Variants in NME9 observed in about 807,000 individuals in gnomAD.
NME9 encodes the protein thioredoxin domain-containing protein 6.
Under a neutral mutation model 44.4 loss-of-function variants are expected in NME9, and 48 were observed. That is an observed-to-expected ratio of 1.08 (90% confidence interval 0.86 to 1.37). The LOEUF is 1.37. NME9 is among the 40% of genes most tolerant of loss of function. The pLI is 0.00. For synonymous variants in NME9, 139 were observed against 147.1 expected (o/e 0.94, Z 0.40); for missense variants, 325 against 405.2 (o/e 0.80, Z 1.70).
intron 8 of NME9, among the ~76,000 whole-genome samples, chr3:138,265,178 A>G (rs557320195): frequency 5.7e-4 from 86 of 152,204 alleles, no homozygotes; most frequent in South Asian, 2.5e-3. Flanking sequence ...GATTACAGGT[A>G]TGAGCCACCA....
intron 1 of NME9, among the ~76,000 whole-genome samples, 198 bp downstream of exon 1, chr3:138,329,105 C>T (rs745398181): frequency 2.0e-5 from 3 of 152,154 alleles, no homozygotes; most frequent in Non-Finnish European, 4.4e-5. Context: ...ATTTTGTTTG[C>T]GTAAAATTTG....
chr3:138,274,637 A>G (rs2049100369), intron 8 of NME9: 1 of 915,366 alleles, frequency 1.1e-6, no homozygotes, highest in East Asian at 2.4e-5. Flanking sequence ...TCTGCAGAAG[A>G]CAGAGTGCTG....
At chr3:138,262,119 T>A (rs2108256682) in exon 9 of NME9, 1 of 157,182 alleles carries the variant, frequency 6.4e-6, no homozygotes, top group East Asian at 1.9e-4. Flanking sequence ...TAATGAATGG[T>A]GGGAGGACAG....
At chr3:138,270,215 A>C in intron 8 of NME9, 1 of 1,084,304 alleles carries the variant, frequency 9.2e-7, no homozygotes, top group Non-Finnish European at 1.3e-6. Flanking sequence ...TGTTATTTGA[A>C]ATGTCTGGAA....
At chr3:138,297,563 T>G (rs537242747), downstream of NME9, 1 of 152,348 alleles carries the variant, frequency 6.6e-6, no homozygotes, top group East Asian at 1.9e-4. Context: ...AATGTTTGGT[T>G]GCAAATGAAT....
chr3:138,280,856 G>T (rs2049834046), intron 8 of NME9, among the ~76,000 whole-genome samples: 1 of 151,828 alleles, frequency 6.6e-6, no homozygotes, highest in Non-Finnish European at 1.5e-5. Flanking sequence ...TCAAACTCTT[G>T]ACCTCAAGGG....
chr3:138,265,241 C>A (rs2048166494), intron 8 of NME9, among the ~76,000 whole-genome samples: 1 of 152,072 alleles, frequency 6.6e-6, no homozygotes, highest in Non-Finnish European at 1.5e-5. Flanking sequence ...TAGGTCTTCT[C>A]TTCAGGCCCC....
intron 8 of NME9, chr3:138,263,678 C>A (rs1438362275): frequency 1.5e-6 from 2 of 1,350,406 alleles, no homozygotes; most frequent in Middle Eastern, 1.8e-4. Context: ...CTTGCATTTA[C>A]AAGCAGTGAA....
intron 6 of NME9, among the ~76,000 whole-genome samples, chr3:138,309,148 TAGC>T (rs1241548815): frequency 1.4e-5 from 2 of 147,508 alleles, no homozygotes; most frequent in African/African-American, 5.4e-5. Context: ...AAAAAAAAAT[TAGC>T]TAGGTGTGGT....
chr3:138,319,416 C>A, intron 3 of NME9, 62 bp downstream of exon 3: 1 of 995,198 alleles, frequency 1.0e-6, no homozygotes, highest in East Asian at 2.5e-5. Context: ...CTTCCTGACT[C>A]TTTTAAATTT....
intron 8 of NME9, among the ~76,000 whole-genome samples, chr3:138,279,427 A>G (rs945247301): frequency 6.6e-6 from 1 of 152,186 alleles, no homozygotes; most frequent in Non-Finnish European, 1.5e-5. Flanking sequence ...TCCTTTAGAT[A>G]TATTGTTAGA....
chr3:138,279,068 A>T (rs2049606146), intron 8 of NME9, among the ~76,000 whole-genome samples: 1 of 152,320 alleles, frequency 6.6e-6, no homozygotes. Context: ...TAATGAGATG[A>T]GGATGAACAT....
rs35216977 is a variant in NME9, at chr3:138,309,302, CAA to C, written c.461-2824_461-2823del. 7.6e-4 allele frequency among the ~76,000 whole-genome samples: 107 copies of C among 140,998 alleles called. 1 individual carries two copies. The highest frequency in any genetic ancestry group is 2.4e-3 in the African/African-American group (94 of 38,472). The allele number at this position is 140,998 out of a possible 152,430, so 92.5% of individuals were successfully genotyped here. On this transcript the variant is annotated intron_variant, in intron 6 of 10. Transcript: ENST00000333911. Reference sequence around the variant, plus strand: ...TGACAGAGTGAGACTTCATCTCAAACAAAAAAAAAAAAAGAAGGAATGCCTAA... The same window carrying C: ...TGACAGAGTGAGACTTCATCTCAAACAAAAAAAAAAAGAAGGAATGCCTAA...
chr3:138,277,132 T>C (rs1336399483), intron 8 of NME9, among the ~76,000 whole-genome samples: 1 of 152,102 alleles, frequency 6.6e-6, no homozygotes, highest in Non-Finnish European at 1.5e-5. Flanking sequence ...CACACATATA[T>C]GGCCAGTAGA....
chr3:138,301,686 G>A lies in NME9; in HGVS notation c.947C>T (p.Thr316Ile). ...EAPQGGEAEA[T>I]AGPTEALCFP... ...GCAAAGCGCCTCAGTGGGCCCCGCT[G>A]TTGCTTCAGCCTCACCGCCTGTGGG... The change falls in exon 11 of 11, where the codon ACA becomes ATA. Residue 316 changes from threonine to isoleucine, a missense_variant. Physicochemically the swap from Thr to Ile is moderately conservative, Grantham distance 89. Coordinates refer to ENST00000333911, the MANE Select transcript of NME9 (RefSeq NM_001349018.2). The A allele has an allele frequency of 1.3e-6, 2 of 1,536,072 alleles. No homozygotes were observed. The highest frequency in any genetic ancestry group is 8.7e-7 in the Non-Finnish European group (1 of 1,146,866).
chr3:138,296,544 A>G (rs1390194485), downstream of NME9: 1 of 151,614 alleles, frequency 6.6e-6, no homozygotes, highest in African/African-American at 2.4e-5. Context: ...CTTTATATAA[A>G]AAAAAAGAAA....
At chr3:138,291,351 C>T (rs542850814) in intron 8 of NME9, among the ~76,000 whole-genome samples, 2 of 152,330 alleles carry the variant, frequency 1.3e-5, no homozygotes, top group South Asian at 2.1e-4. Flanking sequence ...CATACCTGTC[C>T]GCTTACAGTA....
chr3:138,292,182 C>T (rs1418820352), intron 8 of NME9, among the ~76,000 whole-genome samples: 2 of 152,124 alleles, frequency 1.3e-5, no homozygotes, highest in Non-Finnish European at 2.9e-5. Flanking sequence ...GGATTACAGG[C>T]GCCTGCCACC....
intron 8 of NME9, chr3:138,263,794 G>C (rs1216348566): frequency 1.2e-6 from 2 of 1,613,904 alleles, no homozygotes; most frequent in African/African-American, 2.7e-5. Context: ...TCTGAGTCTA[G>C]TGTCAAGGTG....
Sources: gnomAD v4.1 joint callset for allele counts (sites outside exome capture counted in the v4.1 genomes callset) on GRCh38, gnomAD v4.1.1 for gene constraint, MANE v1.5 for transcripts, NCBI Gene and HGNC (gene_info 2026-07-23, HGNC 2026-07-21) for gene names.